GRIA4: variants seen among roughly 807,000 people sequenced by gnomAD.
GRIA4 encodes glutamate receptor 4.
A neutral mutation model predicts 104.0 loss-of-function variants in GRIA4; 34 were observed. That is an observed-to-expected ratio of 0.33 (90% confidence interval 0.25 to 0.44). The LOEUF (loss-of-function observed/expected upper bound fraction) is 0.44. Among genes scored for constraint, GRIA4 ranks in the 20% least tolerant of loss-of-function variants. The pLI is 1.00. For missense variants in GRIA4, 750 were observed against 1,096.5 expected, an observed-to-expected ratio of 0.68 and a Z score of 4.46; for synonymous variants, 386 against 381.9, an observed-to-expected ratio of 1.01 and a Z score of -0.13.
chr11:105,691,354 A>C lies in GRIA4; in HGVS notation c.248-61627A>C, dbSNP rs549884666. Among the ~76,000 whole-genome samples, 3 of 152,316 alleles carry C rather than the reference A, an allele frequency of 2.0e-5. No individual in the cohort carries two copies. In the South Asian group the frequency reaches 6.2e-4, roughly 32 times the overall value. ...ATATAGGAAACAAAAATGAAGAAAT[A>C]AAATAACACAGAAAAAAAGTTTCTT... On this transcript the variant is annotated intron_variant, in intron 3 of 16. Coordinates refer to ENST00000282499, the MANE Select transcript of GRIA4 (RefSeq NM_000829.4).
At chr11:105,930,156 A>G (rs557239976) in intron 13 of GRIA4, among the ~76,000 whole-genome samples, 101 of 152,198 alleles carry the variant, frequency 6.6e-4, no homozygotes, top group African/African-American at 2.3e-3. Context: ...AGCCTGTCTC[A>G]TCAAATTTAT....
intron 3 of GRIA4, among the ~76,000 whole-genome samples, chr11:105,648,564 T>A (rs1951596915): frequency 1.4e-5 from 2 of 145,112 alleles, no homozygotes; most frequent in African/African-American, 2.6e-5. Flanking sequence ...AAGAAAAAAA[T>A]TTGCAAAGAT....
intron 10 of GRIA4, among the ~76,000 whole-genome samples, chr11:105,915,638 G>C (rs1006933073): frequency 6.6e-6 from 1 of 151,852 alleles, no homozygotes; most frequent in African/African-American, 2.4e-5. Context: ...TACATTGAAA[G>C]GTTTTTATCT....
intron 5 of GRIA4, 137 bp from the exon 6 acceptor site, chr11:105,887,382 G>T: frequency 2.1e-6 from 1 of 486,056 alleles, no homozygotes; most frequent in Non-Finnish European, 3.6e-6. Flanking sequence ...ACTATAGTAC[G>T]TGACTTTTAT....
intron 3 of GRIA4, among the ~76,000 whole-genome samples, chr11:105,653,903 C>T (rs1355371981): frequency 1.4e-5 from 2 of 140,928 alleles, no homozygotes; most frequent in Non-Finnish European, 1.5e-5. Context: ...CTCTAGAATA[C>T]AATTAGTTTG....
At chr11:105,904,388 A>G (rs1252704265) in intron 8 of GRIA4, among the ~76,000 whole-genome samples, 1 of 152,176 alleles carries the variant, frequency 6.6e-6, no homozygotes, top group African/African-American at 2.4e-5. Context: ...TCAAATTGGC[A>G]ATTAAATTCT....
intron 11 of GRIA4, among the ~76,000 whole-genome samples, chr11:105,920,303 G>GAAA (rs1947523974): frequency 3.9e-5 from 6 of 152,074 alleles, no homozygotes; most frequent in Admixed American, 3.9e-4. Flanking sequence ...AAAGGAAAAG[G>GAAA]GTTTCTAAAG....
chr11:105,815,473 C>A (rs1267547821), intron 4 of GRIA4, among the ~76,000 whole-genome samples: 1 of 152,134 alleles, frequency 6.6e-6, no homozygotes, highest in Non-Finnish European at 1.5e-5. Flanking sequence ...ATTCTTCCTA[C>A]TTTTCATCTG....
At chr11:105,813,532 C>T (rs182328647) in intron 4 of GRIA4, among the ~76,000 whole-genome samples, 42 of 152,200 alleles carry the variant, frequency 2.8e-4, no homozygotes, top group African/African-American at 8.9e-4. Context: ...GACACTATTG[C>T]GTTGCTTAGT....
At chr11:105,822,057 A>C (rs138807488) in intron 4 of GRIA4, among the ~76,000 whole-genome samples, 151 of 152,292 alleles carry the variant, frequency 9.9e-4, no homozygotes, top group African/African-American at 3.4e-3. Flanking sequence ...CCTAAAGCAT[A>C]AGTGTAACTG....
intron 3 of GRIA4, among the ~76,000 whole-genome samples, chr11:105,711,547 T>A (rs1344118491): frequency 6.6e-6 from 1 of 152,182 alleles, no homozygotes; most frequent in African/African-American, 2.4e-5. Flanking sequence ...TCCATCTGTA[T>A]ACTCTCACCG....
intron 4 of GRIA4, among the ~76,000 whole-genome samples, chr11:105,808,220 G>C (rs73554212): frequency 0.014 from 2,059 of 151,862 alleles, 46 homozygotes; most frequent in African/African-American, 0.047. Context: ...TAATTTTGAA[G>C]GGCTACTTTA....
intron 4 of GRIA4, among the ~76,000 whole-genome samples, chr11:105,801,493 C>G (rs567705414): frequency 6.2e-4 from 95 of 152,008 alleles, no homozygotes; most frequent in African/African-American, 2.2e-3. Flanking sequence ...GCCAAATAAA[C>G]TTTGAAGAAA....
chr11:105,753,149 G>C lies in GRIA4; in HGVS notation c.416G>C (p.Arg139Pro). The C allele has an allele frequency of 6.2e-7, 1 of 1,613,642 alleles. No individual in the cohort carries two copies. The highest frequency in any genetic ancestry group is 8.5e-7 in the Non-Finnish European group (1 of 1,179,656). The stretch of plus-strand genomic sequence containing the variant: ...GTGCTGCAACTAAGACCTTCGTTAC[G>C]AGGAGCACTCTTGAGTTTGCTGGAT... ...QFVLQLRPSL[R>P]GALLSLLDHY... The change falls in exon 4 of 17, where the codon CGA becomes CCA. Residue 139 changes from arginine to proline, a missense_variant. Physicochemically the swap from Arg to Pro is moderately radical, Grantham distance 103 (BLOSUM62 -2). Around this residue, in one of 3 missense-constraint regions of GRIA4, gnomAD observed 410 missense variants for 502.7 expected, o/e 0.82. Coordinates refer to ENST00000282499, the MANE Select transcript of GRIA4 (RefSeq NM_000829.4).
chr11:105,689,090 A>G (rs138200259), intron 3 of GRIA4, among the ~76,000 whole-genome samples: 161 of 152,324 alleles, frequency 1.1e-3, no homozygotes, highest in Middle Eastern at 6.8e-3. Context: ...ATGGCATTAA[A>G]CACAATATGA....
chr11:105,672,185 T>G (rs1176137532), intron 3 of GRIA4, among the ~76,000 whole-genome samples: 4 of 152,202 alleles, frequency 2.6e-5, no homozygotes, highest in Non-Finnish European at 5.9e-5. Context: ...GTTACTGCAA[T>G]TCTTGTGCCA....
intron 3 of GRIA4, among the ~76,000 whole-genome samples, chr11:105,668,195 TATACACACAC>T (rs1952229323): frequency 8.8e-6 from 1 of 113,124 alleles, no homozygotes; most frequent in Non-Finnish European, 1.9e-5. Context: ...CTCCATTGCA[TATACACACAC>T]ACACACACAC....
intron 5 of GRIA4, among the ~76,000 whole-genome samples, chr11:105,866,551 G>GTATATATGTGTATATATA: frequency 1.3e-5 from 1 of 76,716 alleles, no homozygotes; most frequent in South Asian, 5.1e-4. Flanking sequence ...GTGTGTGTGT[G>GTATATATGTGTATATATA]TATATATATA....
chr11:105,907,309 A>C (rs527831644), intron 9 of GRIA4, among the ~76,000 whole-genome samples: 51 of 152,324 alleles, frequency 3.3e-4, no homozygotes, highest in African/African-American at 1.2e-3. Context: ...AAAATGGTGT[A>C]GACTCATCTA....
Sources: allele counts gnomAD v4.1 joint callset (sites outside exome capture counted in the v4.1 genomes callset), GRCh38; gene constraint gnomAD v4.1.1; regional missense constraint gnomAD v4.1.1; transcripts MANE v1.5; gene names NCBI Gene and HGNC (gene_info 2026-07-23, HGNC 2026-07-21).